NCOA6: variants seen among roughly 807,000 people sequenced by gnomAD.
NCOA6 encodes the protein nuclear receptor coactivator 6, also known as NRC RAP250.
A neutral mutation model predicts 171.4 loss-of-function variants in NCOA6; 49 were observed. That is an observed-to-expected ratio of 0.29 (90% CI 0.23 to 0.36). The LOEUF is 0.36. NCOA6 is among the 10% of genes least tolerant of loss of function. The pLI is 1.00. For synonymous variants in NCOA6, 910 were observed against 927.5 expected, an observed-to-expected ratio of 0.98 and a Z score of 0.34; for missense variants, 2,248 against 2,554.5, an observed-to-expected ratio of 0.88 and a Z score of 2.59.
rs1873090244 is a variant in NCOA6 at position 34,757,507 on chromosome 20, A to G, written c.1241T>C (p.Val414Ala). ...GTGGGGCTGCTGCAAGGGAGTTGGGACCCTAGAGGGCCCTCCCTGCAAACT... is the reference window on the plus strand; with the variant it reads ...GTGGGGCTGCTGCAAGGGAGTTGGGGCCCTAGAGGGCCCTCCCTGCAAACT... ...MKSLQGGPSR[V>A]PTPLQQPHLT... The change falls in exon 7 of 15, where the codon GTC (valine) becomes GCC (alanine). Residue 414 changes from valine to alanine, a missense_variant. Around this residue, in one of 7 missense-constraint regions of NCOA6, gnomAD observed 987 missense variants for 1,104.7 expected, o/e 0.89. Coordinates refer to ENST00000359003, the MANE Select transcript of NCOA6 (RefSeq NM_014071.5). The G allele has an allele frequency of 6.2e-7, 1 of 1,613,654 alleles. No individual in the cohort carries two copies. The highest frequency in any genetic ancestry group is 1.3e-5 in the African/African-American group (1 of 74,904).
chr20:34,729,238 A>C (rs1990326295), intron 13 of NCOA6, among the ~76,000 whole-genome samples: 1 of 152,270 alleles, frequency 6.6e-6, no homozygotes, highest in African/African-American at 2.4e-5. Flanking sequence ...GGTGTGAGCC[A>C]CAACGCCCAG....
intron 14 of NCOA6, among the ~76,000 whole-genome samples, chr20:34,721,427 G>A (rs117455133): frequency 5.1e-4 from 55 of 107,624 alleles, no homozygotes; most frequent in Non-Finnish European, 9.2e-4. Flanking sequence ...TCTTCATCTG[G>A]CTGTTCATTT....
At chr20:34,785,497 C>T (rs1263947111) in intron 2 of NCOA6, among the ~76,000 whole-genome samples, 1 of 150,936 alleles carries the variant, frequency 6.6e-6, no homozygotes, top group Non-Finnish European at 1.5e-5. Flanking sequence ...ATTAATACCA[C>T]TGCCCTTATT....
At chr20:34,773,353 G>T (rs2077208668) in intron 4 of NCOA6, among the ~76,000 whole-genome samples, 1 of 152,196 alleles carries the variant, frequency 6.6e-6, no homozygotes, top group South Asian at 2.1e-4. Flanking sequence ...AAAAGGAAGG[G>T]TACAGGAAGT....
At chr20:34,810,277 G>C (rs998033350) in intron 1 of NCOA6, among the ~76,000 whole-genome samples, 6 of 152,178 alleles carry the variant, frequency 3.9e-5, no homozygotes, top group African/African-American at 1.4e-4. Flanking sequence ...CACAGATATA[G>C]TTAGCTACAA....
intron 2 of NCOA6, among the ~76,000 whole-genome samples, chr20:34,786,326 T>C (rs963578818): frequency 2.0e-5 from 3 of 152,104 alleles, no homozygotes; most frequent in Non-Finnish European, 4.4e-5. Context: ...TTTTGAAGGG[T>C]TTTTCACATC....
chr20:34,802,522 A>G (rs560022053), intron 1 of NCOA6, among the ~76,000 whole-genome samples: 1 of 152,280 alleles, frequency 6.6e-6, no homozygotes, highest in East Asian at 1.9e-4. Context: ...AATCACTTCA[A>G]CCAGGGAGTC....
chr20:34,768,569 G>A lies in NCOA6; in HGVS notation c.409C>T (p.Leu137=). 1 of 1,613,808 alleles carries A rather than the reference G, an allele frequency of 6.2e-7. No homozygotes were observed. Among genetic ancestry groups the A allele is most frequent in the Non-Finnish European group, 8.5e-7 (1 of 1,179,938 alleles). Residue 137 remains leucine, a synonymous_variant, in exon 5 of 15, where the codon CTG becomes TTG. Transcript: ENST00000359003. ...VQIEGEGAIN[L]ALAQNRSQDV... Reference sequence around the variant, plus strand: ...TGGCTTCGGTTCTGAGCCAAAGCCAGGTTAATAGCACCTTCCCCTGAAAAT... The same window carrying A: ...TGGCTTCGGTTCTGAGCCAAAGCCAAGTTAATAGCACCTTCCCCTGAAAAT...
intron 1 of NCOA6, among the ~76,000 whole-genome samples, chr20:34,812,446 C>T (rs1601142155): frequency 6.6e-6 from 1 of 151,950 alleles, no homozygotes; most frequent in Non-Finnish European, 1.5e-5. Flanking sequence ...GGATAATAGA[C>T]AATTTAAGGG....
chr20:34,784,806 C>T (rs951797194), intron 2 of NCOA6, among the ~76,000 whole-genome samples: 5 of 151,724 alleles, frequency 3.3e-5, no homozygotes, highest in African/African-American at 9.7e-5. Context: ...ATAGGCTGGG[C>T]GCGGTGGCTC....
intron 2 of NCOA6, among the ~76,000 whole-genome samples, chr20:34,783,806 T>C (rs1003699862): frequency 6.6e-6 from 1 of 152,126 alleles, no homozygotes; most frequent in South Asian, 2.1e-4. Context: ...GTAGTTTTAG[T>C]AGAGATGGGG....
At chr20:34,726,945 A>G (rs1435199350) in intron 14 of NCOA6, among the ~76,000 whole-genome samples, 4 of 152,164 alleles carry the variant, frequency 2.6e-5, no homozygotes, top group African/African-American at 7.2e-5. Context: ...ATAAAGTGAG[A>G]CCCTGTTTCA....
In NCOA6 at chr20:34,750,430, C is replaced by T. The variant is rs2076437130; in HGVS notation, c.1765G>A (p.Gly589Ser). 1 of 1,613,956 alleles carries T rather than the reference C, an allele frequency of 6.2e-7. No individual in the cohort carries two copies. The highest frequency in any genetic ancestry group is 8.5e-7 in the Non-Finnish European group (1 of 1,180,008). ...MMQPSLMGIH[G>S]NMNNQQAGTS... ...CCAGCCTGCTGATTGTTCATGTTGC[C>T]ATGAATTCCCATGAGGCTGGGCTGC... The change falls in exon 9 of 15, where the codon GGC becomes AGC. Residue 589 changes from glycine to serine, a missense_variant. By Grantham distance (56) the Gly-to-Ser change is moderately conservative. Around this residue, in one of 7 missense-constraint regions of NCOA6, gnomAD observed 987 missense variants for 1,104.7 expected, o/e 0.89. Coordinates refer to ENST00000359003, the MANE Select transcript of NCOA6 (RefSeq NM_014071.5).
chr20:34,817,819 C>T (rs977592725), intron 1 of NCOA6, among the ~76,000 whole-genome samples: 3 of 152,114 alleles, frequency 2.0e-5, no homozygotes, highest in African/African-American at 7.2e-5. Flanking sequence ...TCCTTTCTCC[C>T]CATGCTGATC....
chr20:34,721,530 T>A (rs1394984950), intron 14 of NCOA6, among the ~76,000 whole-genome samples: 1 of 152,140 alleles, frequency 6.6e-6, no homozygotes, highest in Non-Finnish European at 1.5e-5. Context: ...CCTCAGATTA[T>A]CAGGCATTAG....
chr20:34,815,750 T>A (rs1210969007), intron 1 of NCOA6, among the ~76,000 whole-genome samples: 1 of 152,102 alleles, frequency 6.6e-6, no homozygotes, highest in Non-Finnish European at 1.5e-5. Flanking sequence ...CAAAGTTTGT[T>A]GTTTTACAGA....
Sources: allele counts gnomAD v4.1 joint callset (sites outside exome capture counted in the v4.1 genomes callset), GRCh38; gene constraint gnomAD v4.1.1; regional missense constraint gnomAD v4.1.1; transcripts MANE v1.5; gene names NCBI Gene and HGNC (gene_info 2026-07-23, HGNC 2026-07-21).